ASH1L: variants seen among roughly 807,000 people sequenced by gnomAD.
The protein encoded by ASH1L is histone-lysine N-methyltransferase ASH1L.
Under a neutral mutation model 269.0 loss-of-function variants are expected in ASH1L, and 23 were observed. The observed-to-expected ratio is 0.09, with a 90% CI of 0.06 to 0.12. ASH1L has a LOEUF of 0.12. Among genes scored for constraint, ASH1L ranks in the 10% least tolerant of loss-of-function variants. The pLI is 1.00. For synonymous variants in ASH1L, 1,187 were observed against 1,253.5 expected, an observed-to-expected ratio of 0.95 and a Z score of 1.12; for missense variants, 2,912 against 3,567.8, an observed-to-expected ratio of 0.82 and a Z score of 4.68.
rs1324842763 is a variant in ASH1L, at chr1:155,515,685, A to G, written c.420+5415T>C. 4.6e-5 allele frequency among the ~76,000 whole-genome samples: 7 copies of G among 151,892 alleles called. No homozygotes were observed. In the East Asian group the frequency reaches 1.4e-3, roughly 29 times the overall value. Reference sequence around the variant, plus strand: ...TCTACTAAAAATACAAAAATTAGCCAGGTATGGTGGCAAGCACCTGTAATC... The same window carrying G: ...TCTACTAAAAATACAAAAATTAGCCGGGTATGGTGGCAAGCACCTGTAATC... On this transcript the variant is annotated intron_variant, in intron 2 of 27. Transcript: ENST00000392403.
Position 155,343,691 on chromosome 1 carries a change from G to A in ASH1L, c.8033C>T (p.Pro2678Leu), listed in dbSNP as rs771735288. Residue 2678 changes from proline (P) to leucine (L), a missense_variant, in exon 23 of 28, where the codon CCG becomes CTG. Physicochemically the swap from Pro to Leu is moderately conservative, Grantham distance 98. Transcript: ENST00000392403. This position sits in a 1 kb window ranked among gnomAD's most constrained non-coding sequence, Gnocchi z 6.1. ...RDSRRTPDGH[P>L]VRQSYRLLSH... ...TAACAGTCGATAGGACTGACGGACC[G>A]GGTGGCCATCAGGGGTGCGCCGACT... 3.7e-6 allele frequency: 6 copies of A among 1,614,124 alleles called. No individual in the cohort carries two copies. The highest frequency in any genetic ancestry group is 2.2e-5 in the East Asian group (1 of 44,884).
chr1:155,472,909 C>T (rs1297998429), intron 3 of ASH1L, among the ~76,000 whole-genome samples: 1 of 152,168 alleles, frequency 6.6e-6, no homozygotes. Context: ...TTCCTCAGAG[C>T]TACCCAAGGC....
In ASH1L at chr1:155,343,915, A is replaced by G. The variant is rs1653015037; in HGVS notation, c.7982-173T>C. On this transcript the variant is annotated intron_variant, in intron 22 of 27. Transcript: ENST00000392403. This position sits in a 1 kb window ranked among gnomAD's most constrained non-coding sequence, Gnocchi z 6.1. Reference sequence around the variant, plus strand: ...TGATAATCAATTCTAGACTATGACAATAATATAAGGGAGGCATTCCATTTC... The same window carrying G: ...TGATAATCAATTCTAGACTATGACAGTAATATAAGGGAGGCATTCCATTTC... 6.6e-6 allele frequency among the ~76,000 whole-genome samples: 1 copy of G among 152,232 alleles called. No individual in the cohort carries two copies. Among genetic ancestry groups the G allele is most frequent in the East Asian group, 1.9e-4 (1 of 5,196 alleles).
chr1:155,433,073 C>A (rs1323166976), intron 5 of ASH1L: 3 of 1,207,362 alleles, frequency 2.5e-6, no homozygotes, highest in Non-Finnish European at 3.4e-6. Context: ...TTTAAAGCTT[C>A]AATAATTAAA....
At chr1:155,419,106 C>T (rs912594796) in intron 5 of ASH1L, among the ~76,000 whole-genome samples, 7 of 149,760 alleles carry the variant, frequency 4.7e-5, no homozygotes, top group South Asian at 2.1e-4. Flanking sequence ...AGAAAACACA[C>T]GTTATAAAAA....
At chr1:155,509,685 G>C (rs1436552443) in intron 2 of ASH1L, among the ~76,000 whole-genome samples, 1 of 152,136 alleles carries the variant, frequency 6.6e-6, no homozygotes, top group Admixed American at 6.5e-5. Context: ...TCTAATCCCA[G>C]CTACTCAGGA....
chr1:155,377,694 T>C (rs920110782), intron 10 of ASH1L, among the ~76,000 whole-genome samples: 5 of 152,206 alleles, frequency 3.3e-5, no homozygotes, highest in African/African-American at 1.2e-4. Context: ...TTACTTTTAT[T>C]AGATGCATTA....
chr1:155,354,938 G>T (rs910574936), intron 15 of ASH1L, among the ~76,000 whole-genome samples: 5 of 152,190 alleles, frequency 3.3e-5, no homozygotes, highest in African/African-American at 1.2e-4. Flanking sequence ...GATGAAGTAG[G>T]GTCTCAGGAT....
chr1:155,355,107 G>A (rs547753391), intron 15 of ASH1L, among the ~76,000 whole-genome samples: 2 of 152,318 alleles, frequency 1.3e-5, no homozygotes, highest in East Asian at 3.9e-4. Context: ...CTAGGCTGGA[G>A]TACAGTGGCA....
chr1:155,422,459 G>C (rs943194233), intron 5 of ASH1L, among the ~76,000 whole-genome samples: 16 of 151,526 alleles, frequency 1.1e-4, no homozygotes, highest in Non-Finnish European at 2.2e-4. Flanking sequence ...TGTTTGCCAG[G>C]CTGCTCTTGA....
At chr1:155,562,921 C>T (rs765462717), upstream of ASH1L, 29 of 456,158 alleles carry the variant, frequency 6.4e-5, no homozygotes, top group Middle Eastern at 1.0e-3. Flanking sequence ...CCCTCCACCC[C>T]TCGCGCGTGC....
At chr1:155,355,687 G>A (rs1031139899) in intron 15 of ASH1L, among the ~76,000 whole-genome samples, 6 of 152,154 alleles carry the variant, frequency 3.9e-5, no homozygotes, top group Non-Finnish European at 7.3e-5. Flanking sequence ...AGAACCACTG[G>A]ACTGGTTTTT....
At chr1:155,467,636 T>C (rs949966173) in intron 3 of ASH1L, among the ~76,000 whole-genome samples, 12 of 152,156 alleles carry the variant, frequency 7.9e-5, no homozygotes, top group African/African-American at 2.9e-4. Context: ...TTAAATGCCT[T>C]GGTCCAAGCT....
Position 155,530,205 on chromosome 1 carries a change from G to A in ASH1L, c.-99-8587C>T, listed in dbSNP as rs1252636031. Among the ~76,000 whole-genome samples, 9 of 152,064 alleles carry A rather than the reference G, an allele frequency of 5.9e-5. No individual in the cohort carries two copies. The East Asian group carries it at 9.7e-4, about 16-fold the overall frequency. On this transcript the variant is annotated intron_variant, in intron 1 of 27. Coordinates refer to ENST00000392403, the MANE Select transcript of ASH1L (RefSeq NM_018489.3). Reference sequence around the variant, plus strand: ...CCCCACCACCCTCTACTCACATTCAGTATCCTATTTTATTCTCATACTCTT... The same window carrying A: ...CCCCACCACCCTCTACTCACATTCAATATCCTATTTTATTCTCATACTCTT...
At chr1:155,425,853 C>G (rs1170611176) in intron 5 of ASH1L, among the ~76,000 whole-genome samples, 2 of 151,544 alleles carry the variant, frequency 1.3e-5, no homozygotes, top group African/African-American at 4.8e-5. Flanking sequence ...ACCAGGATTA[C>G]AGGTGGGAGC....
chr1:155,563,063 G>A (rs192789180), upstream of ASH1L: 8 of 458,558 alleles, frequency 1.7e-5, no homozygotes, highest in African/African-American at 1.6e-4. Flanking sequence ...CGAGCCCCAC[G>A]ACAACCTACC....
In ASH1L at chr1:155,473,037, G is replaced by A. The variant is rs1428847710; in HGVS notation, c.4984+4849C>T. 2.0e-5 allele frequency among the ~76,000 whole-genome samples: 3 copies of A among 152,248 alleles called. No individual in the cohort carries two copies. In the East Asian group the frequency reaches 5.8e-4, roughly 29 times the overall value. ...TTGTTATTGTATGTGTTTCTATATA[G>A]TTAAATAGCTCTTGTATCATTGATA... is the stretch of plus-strand genomic sequence containing the variant. On this transcript the variant is annotated intron_variant, in intron 3 of 27. Coordinates refer to ENST00000392403, the MANE Select transcript of ASH1L (RefSeq NM_018489.3).
chr1:155,544,422 A>C (rs1670652518), intron 1 of ASH1L, among the ~76,000 whole-genome samples: 1 of 151,484 alleles, frequency 6.6e-6, no homozygotes, highest in South Asian at 2.1e-4. Context: ...GAGTAGCTGG[A>C]ACTATAGGTG....
intron 17 of ASH1L, among the ~76,000 whole-genome samples, chr1:155,352,037 C>T (rs1653974826): frequency 6.6e-6 from 1 of 151,754 alleles, no homozygotes; most frequent in South Asian, 2.1e-4. Context: ...TGAGGGGCCA[C>T]TTCTCATTTG....
Sources: allele counts gnomAD v4.1 joint callset (sites outside exome capture counted in the v4.1 genomes callset), GRCh38; gene constraint gnomAD v4.1.1; non-coding constraint Gnocchi (gnomAD v3.1); transcripts MANE v1.5; gene names NCBI Gene and HGNC (gene_info 2026-07-23, HGNC 2026-07-21).